The following DRC7 variants were observed in gnomAD, a reference collection of about 807,000 sequenced individuals.
The protein encoded by DRC7 is dynein regulatory complex subunit 7, also known as coiled-coil domain containing 135.
A neutral mutation model predicts 104.4 loss-of-function variants in DRC7; 80 were observed. That is an observed-to-expected ratio of 0.77 (90% CI 0.64 to 0.92). DRC7 has a LOEUF of 0.92. Among genes scored for constraint, DRC7 ranks in the 40% least tolerant of loss-of-function variants. DRC7 has a pLI of 0.00. For synonymous variants in DRC7, 405 were observed against 447.3 expected, an observed-to-expected ratio of 0.91 and a Z score of 1.19; for missense variants, 1,034 against 1,141.1, an observed-to-expected ratio of 0.91 and a Z score of 1.35.
intron 17 of DRC7, among the ~76,000 whole-genome samples, chr16:57,730,199 G>A (rs983014486): frequency 4.7e-4 from 68 of 145,008 alleles, no homozygotes; most frequent in African/African-American, 1.4e-3. Flanking sequence ...GTGAGTGGAT[G>A]GATGAATGGA....
At chr16:57,699,147 C>T (rs547040682) in intron 4 of DRC7, 123 bp downstream of exon 4, 72 of 1,170,826 alleles carry the variant, frequency 6.1e-5, no homozygotes, top group Middle Eastern at 2.8e-4. Context: ...TGGGCCAGAG[C>T]GCTTCTAGTC....
chr16:57,723,198 G>T (rs1388190105), intron 12 of DRC7, 68 bp downstream of exon 12: 1 of 1,551,408 alleles, frequency 6.4e-7, no homozygotes, highest in Non-Finnish European at 8.7e-7. Context: ...CCTGTGGCAG[G>T]TGGTATGTGG....
intron 8 of DRC7, among the ~76,000 whole-genome samples, chr16:57,713,211 C>A (rs1309099303): frequency 1.3e-5 from 2 of 152,126 alleles, no homozygotes; most frequent in Admixed American, 6.6e-5. Flanking sequence ...GTGTATTTTG[C>A]TGTTGGGTGG....
At chr16:57,707,088 C>G (rs2048740132) in intron 7 of DRC7, among the ~76,000 whole-genome samples, 1 of 152,116 alleles carries the variant, frequency 6.6e-6, no homozygotes, top group South Asian at 2.1e-4. Flanking sequence ...TAACAATGAA[C>G]AACAAGACAG....
chr16:57,698,531 A>C (rs1380764481), intron 3 of DRC7, among the ~76,000 whole-genome samples: 3 of 151,936 alleles, frequency 2.0e-5, no homozygotes, highest in African/African-American at 7.3e-5. Context: ...CCATGTCTAC[A>C]AAAAATACAA....
At chr16:57,699,288 T>C (rs908484748) in intron 4 of DRC7, among the ~76,000 whole-genome samples, 1 of 152,214 alleles carries the variant, frequency 6.6e-6, no homozygotes, top group Non-Finnish European at 1.5e-5. Context: ...GCGGGGAAAC[T>C]GCAGGCCTGG....
At chr16:57,705,184 G>A (rs2048699416) in intron 7 of DRC7, 150 bp downstream of exon 7, 1 of 924,972 alleles carries the variant, frequency 1.1e-6, no homozygotes, top group South Asian at 1.8e-5. Flanking sequence ...ACCTGGCCCT[G>A]CAGGAATCTC....
At chr16:57,709,991 G>C (rs1487233693) in intron 8 of DRC7, among the ~76,000 whole-genome samples, 3 of 152,148 alleles carry the variant, frequency 2.0e-5, no homozygotes, top group Admixed American at 6.5e-5. Flanking sequence ...GCCCAGGTTG[G>C]TCTCAAGCAA....
rs1264395906 is a variant in DRC7 at position 57,698,081 on chromosome 16, A to G, written c.132A>G (p.Leu44=). The G allele has an allele frequency of 6.2e-7, 1 of 1,614,114 alleles. No homozygotes were observed. The highest frequency in any genetic ancestry group is 1.7e-5 in the Admixed American group (1 of 60,024). Residue 44 remains leucine, a synonymous_variant, in exon 3 of 19, where the codon TTA becomes TTG. Transcript: ENST00000360716. ...AGGTGCGGAAGGAGGAAATCACCTTAAAGCAGGAGACGCTCAGAGACCTGG... is the reference window on the plus strand; with the variant it reads ...AGGTGCGGAAGGAGGAAATCACCTTGAAGCAGGAGACGCTCAGAGACCTGG... The part of the protein sequence containing the change: ...PVEVRKEEIT[L]KQETLRDLEK...
At chr16:57,722,624 C>A in intron 10 of DRC7, 89 bp from the exon 11 acceptor site, 1 of 1,545,606 alleles carries the variant, frequency 6.5e-7, no homozygotes, top group Non-Finnish European at 8.8e-7. Context: ...ACACAGAGAA[C>A]GGGCAGTGGA....
In DRC7 at chr16:57,726,868, C is replaced by T. The variant is rs2048973938; in HGVS notation, c.2011C>T (p.Gln671Ter). The T allele has an allele frequency of 2.5e-6, 4 of 1,612,966 alleles. No individual in the cohort carries two copies. The African/African-American group carries it at 4.0e-5, about 16-fold the overall frequency. ...PMEHTKKLLYQYEAMMHLKRE... is the reference protein window; with the variant it reads ...PMEHTKKLLY ...GGAGCACACCAAGAAGCTGCTCTAC[C>T]AGTACGAGGCCATGATGCACCTGAA... The change falls in exon 15 of 19, where the codon CAG (glutamine) becomes TAG (stop). Residue 671 changes from glutamine (Q) to a stop codon, truncating the protein, a stop_gained. Transcript: ENST00000360716. LOFTEE classifies it high-confidence loss of function.
At chr16:57,722,940 T>A in intron 11 of DRC7, 62 bp from the exon 12 acceptor site, 1 of 1,612,848 alleles carries the variant, frequency 6.2e-7, no homozygotes, top group Non-Finnish European at 8.5e-7. Context: ...GTGCCTGGAA[T>A]AAGGGGGGTT....
intron 17 of DRC7, among the ~76,000 whole-genome samples, chr16:57,729,848 G>A (rs1208799374): frequency 7.1e-6 from 1 of 140,046 alleles, no homozygotes; most frequent in Non-Finnish European, 1.5e-5. Flanking sequence ...GTGGATGGAC[G>A]AATGGATGGA....
At chr16:57,706,682 C>T (rs1246184048) in intron 7 of DRC7, among the ~76,000 whole-genome samples, 1 of 104,492 alleles carries the variant, frequency 9.6e-6, no homozygotes, top group African/African-American at 3.4e-5. Flanking sequence ...TCCATCCATC[C>T]TTCCTTCCAT....
intron 15 of DRC7, 71 bp downstream of exon 15, chr16:57,727,013 C>G (rs2048976827): frequency 1.0e-6 from 1 of 1,000,216 alleles, no homozygotes; most frequent in Admixed American, 2.0e-5. Context: ...GCTCTATAAC[C>G]CAGGCTGGAA....
chr16:57,721,820 G>T, intron 10 of DRC7, 81 bp downstream of exon 10: 1 of 1,040,944 alleles, frequency 9.6e-7, no homozygotes, highest in Non-Finnish European at 1.5e-6. Context: ...AGCGAGGCAG[G>T]GGGACACAGC....
chr16:57,699,571 G>T (rs1341107928), intron 4 of DRC7, among the ~76,000 whole-genome samples: 1 of 152,092 alleles, frequency 6.6e-6, no homozygotes, highest in Non-Finnish European at 1.5e-5. Flanking sequence ...TCTTATGCCT[G>T]TCCTGGTCCA....
At chr16:57,727,215 C>T (rs778658608) in intron 15 of DRC7, 84 bp from the exon 16 acceptor site, 54 of 1,076,368 alleles carry the variant, frequency 5.0e-5, no homozygotes, top group Non-Finnish European at 6.6e-5. Context: ...ATGCAATCTG[C>T]CCTCCTTGGC....
Position 57,702,055 on chromosome 16 carries a change from C to T in DRC7, c.624C>T (p.Asn208=), listed in dbSNP as rs201161084. ...IGSGYDAYCV[N]GYGSLDLCHM... ...CTGGCTATGATGCTTACTGCGTCAA[C>T]GGCTACGGCTCGCTGGACCTGTGCC... The change falls in exon 6 of 19, where the codon AAC becomes AAT. Residue 208 remains asparagine, a synonymous_variant. Transcript: ENST00000360716. The T allele has an allele frequency of 4.2e-5, 67 of 1,614,218 alleles. No individual in the cohort carries two copies. The highest frequency in any genetic ancestry group is 6.7e-5 in the Admixed American group (4 of 60,026).
Sources: allele counts gnomAD v4.1 joint callset (sites outside exome capture counted in the v4.1 genomes callset), GRCh38; gene constraint gnomAD v4.1.1; transcripts MANE v1.5; gene names NCBI Gene and HGNC (gene_info 2026-07-23, HGNC 2026-07-21).